The following RPH3A variants were observed in gnomAD, a reference collection of about 807,000 sequenced individuals.
The protein encoded by RPH3A is rabphilin-3A.
RPH3A carries 48 observed loss-of-function variants against 102.2 expected under a neutral mutation model. The ratio of observed to expected loss-of-function variants is 0.47; its 90% CI spans 0.37 to 0.60. The LOEUF is 0.60. RPH3A is among the 20% of genes least tolerant of loss of function. RPH3A has a pLI of 0.00. For missense variants in RPH3A, 781 were observed against 910.1 expected, an observed-to-expected ratio of 0.86 and a Z score of 1.83; for synonymous variants, 310 against 324.3, an observed-to-expected ratio of 0.96 and a Z score of 0.47.
intron 1 of RPH3A, among the ~76,000 whole-genome samples, chr12:112,580,906 A>G (rs1304824043): frequency 6.6e-6 from 1 of 152,218 alleles, no homozygotes; most frequent in Non-Finnish European, 1.5e-5. Context: ...GTTTTCCTGT[A>G]AGAATTACAC....
chr12:112,582,906 C>T (rs959847654), intron 1 of RPH3A, among the ~76,000 whole-genome samples: 2 of 152,098 alleles, frequency 1.3e-5, no homozygotes, highest in Non-Finnish European at 2.9e-5. Flanking sequence ...AATATTTCTC[C>T]ATCTTTTTAT....
At chr12:112,747,103 C>T (rs2040753400) in intron 1 of RPH3A, among the ~76,000 whole-genome samples, 1 of 152,210 alleles carries the variant, frequency 6.6e-6, no homozygotes, top group African/African-American at 2.4e-5. Context: ...CTTGTTTCCA[C>T]TGCTTGCTAT....
intron 1 of RPH3A, among the ~76,000 whole-genome samples, chr12:112,754,261 A>G (rs1270026352): frequency 1.3e-5 from 2 of 152,198 alleles, no homozygotes; most frequent in African/African-American, 4.8e-5. Flanking sequence ...ATCATCTGTA[A>G]AATGAACACC....
intron 1 of RPH3A, among the ~76,000 whole-genome samples, chr12:112,614,688 C>CAAAAAA (rs35810360): frequency 2.2e-4 from 6 of 27,154 alleles, no homozygotes; most frequent in African/African-American, 4.4e-4. Flanking sequence ...GACCCTGCCT[C>CAAAAAA]AAAAAAAAAA....
intron 1 of RPH3A, among the ~76,000 whole-genome samples, chr12:112,683,640 CTG>C (rs2040241963): frequency 6.6e-6 from 1 of 152,168 alleles, no homozygotes; most frequent in African/African-American, 2.4e-5. Flanking sequence ...CTCTGAGTGA[CTG>C]TGTAGGATAT....
chr12:112,826,179 G>A lies in RPH3A; in HGVS notation c.-18-2122G>A, dbSNP rs538436472. ...GGTGCATTTAGGAATAAACCTACACGAAGGGATAGAGAGAGCCAGACAGGC... is the reference window on the plus strand; with the variant it reads ...GGTGCATTTAGGAATAAACCTACACAAAGGGATAGAGAGAGCCAGACAGGC... On this transcript the variant is annotated intron_variant, in intron 2 of 21. Coordinates refer to ENST00000389385, the MANE Select transcript of RPH3A (RefSeq NM_001143854.2). 7.2e-5 allele frequency among the ~76,000 whole-genome samples: 11 copies of A among 152,292 alleles called. No individual in the cohort carries two copies. In the South Asian group the frequency reaches 1.4e-3, roughly 20 times the overall value.
At chr12:112,600,531 C>A (rs567206652) in intron 1 of RPH3A, among the ~76,000 whole-genome samples, 16 of 152,198 alleles carry the variant, frequency 1.1e-4, no homozygotes, top group Non-Finnish European at 1.8e-4. Context: ...ACTGTTTCCT[C>A]AACCGTAAAA....
At chr12:112,865,610 G>T in intron 6 of RPH3A, 67 bp downstream of exon 6, 1 of 1,535,806 alleles carries the variant, frequency 6.5e-7, no homozygotes, top group Non-Finnish European at 8.8e-7. Flanking sequence ...CTAGGCTCCA[G>T]CTGTAGGGGT....
At chr12:112,606,513 C>G (rs901575464) in intron 1 of RPH3A, among the ~76,000 whole-genome samples, 2 of 151,924 alleles carry the variant, frequency 1.3e-5, no homozygotes, top group African/African-American at 4.8e-5. Flanking sequence ...TCCTGAGTAG[C>G]TGGGATTACA....
chr12:112,876,715 A>T lies in RPH3A; in HGVS notation c.1020A>T (p.Pro340=). 1.2e-6 allele frequency: 2 copies of T among 1,612,990 alleles called. No homozygotes were observed. The highest frequency in any genetic ancestry group is 1.7e-6 in the Non-Finnish European group (2 of 1,179,568). Residue 340 remains proline, a synonymous_variant, in exon 13 of 22, where the codon CCA becomes CCT. Transcript: ENST00000389385. ...GAACAGGGGGAGTCGGGGGCTACCCAGCAGTTGGAGCCAGAGAGGACCGAA... is the reference window on the plus strand; with the variant it reads ...GAACAGGGGGAGTCGGGGGCTACCCTGCAGTTGGAGCCAGAGAGGACCGAA... ...EERTGGVGGY[P]AVGAREDRMS...
chr12:112,776,873 C>CAAAAAA lies in RPH3A; in HGVS notation c.-139-15237_-139-15232dup. 2.6e-3 allele frequency among the ~76,000 whole-genome samples: 195 copies of CAAAAAA among 73,884 alleles called. 11 individuals are homozygous for CAAAAAA. Among genetic ancestry groups the CAAAAAA allele is most frequent in the Middle Eastern group, 8.3e-3 (1 of 120 alleles). The allele number at this position is 73,884 out of a possible 152,430, so 48.5% of individuals were successfully genotyped here. On this transcript the variant is annotated intron_variant, in intron 1 of 21. Coordinates refer to the RPH3A transcript ENST00000543106. The stretch of plus-strand genomic sequence containing the variant: ...TGGGCGACAGAGTGAGACTCCATCT[C>CAAAAAA]AAAAAAAAAAAAAAAAAAAAAAAAA...
intron 17 of RPH3A, among the ~76,000 whole-genome samples, chr12:112,889,072 G>A (rs542973807): frequency 1.3e-5 from 2 of 152,226 alleles, no homozygotes; most frequent in Non-Finnish European, 2.9e-5. Context: ...GCCAGCCTGA[G>A]GATGGAATGT....
At chr12:112,690,776 T>C (rs1454066035) in intron 1 of RPH3A, among the ~76,000 whole-genome samples, 1 of 152,232 alleles carries the variant, frequency 6.6e-6, no homozygotes, top group Non-Finnish European at 1.5e-5. Context: ...TTGCCGTATG[T>C]ATACAAATAT....
Position 112,791,800 on chromosome 12 carries a change from A to G in RPH3A, c.-352A>G, listed in dbSNP as rs990614460. ...GCCGCGGCAGAAACTGGCTCTGGGG[A>G]AGCAATTGATTCGTCTACTGCCAGC... is the stretch of plus-strand genomic sequence containing the variant. On this transcript the variant is annotated 5_prime_UTR_variant, in exon 1 of 22. Coordinates refer to ENST00000389385, the MANE Select transcript of RPH3A (RefSeq NM_001143854.2). The G allele has an allele frequency of 1.4e-5, 2 of 147,324 alleles. No homozygotes were observed. Among genetic ancestry groups the G allele is most frequent in the South Asian group, 2.2e-4 (1 of 4,506 alleles). The allele number at this position is 147,324 out of a possible 1,614,324, so 9.1% of individuals were successfully genotyped here. A position where few individuals can be genotyped will look rare whatever the true frequency, so the allele number is the denominator to read the frequency against.
chr12:112,590,955 C>T (rs1226022529), intron 1 of RPH3A, among the ~76,000 whole-genome samples: 1 of 152,208 alleles, frequency 6.6e-6, no homozygotes, highest in Non-Finnish European at 1.5e-5. Context: ...CCACCACACC[C>T]AGCTAATTTT....
chr12:112,818,634 G>T (rs59230397), intron 2 of RPH3A, among the ~76,000 whole-genome samples: 15,712 of 152,160 alleles, frequency 0.1, 913 homozygotes, highest in East Asian at 0.27. Context: ...GCAGCCTAAG[G>T]GGTGTAATAC....
intron 1 of RPH3A, among the ~76,000 whole-genome samples, chr12:112,679,529 A>G (rs1308246264): frequency 6.6e-6 from 1 of 152,066 alleles, no homozygotes; most frequent in African/African-American, 2.4e-5. Flanking sequence ...GGATTTAAGC[A>G]GTTCTCCTGC....
chr12:112,779,065 G>A (rs879836418), intron 1 of RPH3A, among the ~76,000 whole-genome samples: 3 of 152,208 alleles, frequency 2.0e-5, no homozygotes, highest in Non-Finnish European at 4.4e-5. Flanking sequence ...GGGAGAATGT[G>A]CTAGTCTGGG....
chr12:112,785,257 T>C (rs1037237037), intron 1 of RPH3A, among the ~76,000 whole-genome samples: 4 of 148,246 alleles, frequency 2.7e-5, no homozygotes, highest in African/African-American at 7.4e-5. Context: ...TACAGCTGCA[T>C]GGTGGTTGGC....
Sources: gnomAD v4.1 joint callset for allele counts (sites outside exome capture counted in the v4.1 genomes callset) on GRCh38, gnomAD v4.1.1 for gene constraint, MANE v1.5 for transcripts, NCBI Gene and HGNC (gene_info 2026-07-23, HGNC 2026-07-21) for gene names.